The following PPFIA4 variants were observed in gnomAD, a reference collection of about 807,000 sequenced individuals.
The protein encoded by PPFIA4 is liprin-alpha-4.
PPFIA4 carries 98 observed loss-of-function variants against 145.7 expected under a neutral mutation model. The observed-to-expected ratio is 0.67, with a 90% CI of 0.57 to 0.80. The LOEUF is 0.80. Among genes scored for constraint, PPFIA4 ranks in the 30% least tolerant of loss-of-function variants. PPFIA4 has a pLI of 0.00. For missense variants in PPFIA4, 1,457 were observed against 1,632.7 expected (o/e 0.89, Z 1.85); for synonymous variants, 628 against 649.6 (o/e 0.97, Z 0.51).
intron 1 of PPFIA4, among the ~76,000 whole-genome samples, chr1:203,029,832 T>C (rs1468531383): frequency 2.0e-5 from 3 of 152,222 alleles, no homozygotes; most frequent in Admixed American, 6.5e-5. Flanking sequence ...AATATGAATG[T>C]ATAGATATGG....
intron 27 of PPFIA4, among the ~76,000 whole-genome samples, chr1:203,071,175 T>TC (rs1307291854): frequency 1.3e-5 from 2 of 149,416 alleles, no homozygotes; most frequent in East Asian, 3.9e-4. Context: ...CTGCTATTTT[T>TC]TTTTTTTTTT....
chr1:203,067,952 A>T (rs1661849677), intron 26 of PPFIA4, among the ~76,000 whole-genome samples, 160 bp downstream of exon 26: 1 of 152,090 alleles, frequency 6.6e-6, no homozygotes, highest in South Asian at 2.1e-4. Context: ...GATGGAGGAG[A>T]CATAGTCCAT....
At position 203,075,572 on chromosome 1, in the gene PPFIA4, T is replaced by G; in HGVS notation, c.3394-5T>G. ...CTCGGGCCTCTGGTGTCCCCCATGG[T>G]GCAGGGGGATGACAAGGTGTTTCGC... On this transcript the variant is annotated splice_polypyrimidine_tract_variant and splice_region_variant and intron_variant, in intron 28 of 29. Transcript: ENST00000295706. The surrounding 1 kb of genome is among the most constrained non-coding windows in gnomAD (Gnocchi z 4.1). 1 of 1,447,154 alleles carries G rather than the reference T, an allele frequency of 6.9e-7. No individual in the cohort carries two copies. Among genetic ancestry groups the G allele is most frequent in the South Asian group, 1.5e-5 (1 of 68,200 alleles). The allele number at this position is 1,447,154 out of a possible 1,614,324, so 89.6% of individuals were successfully genotyped here.
Position 203,067,711 on chromosome 1 carries a change from G to A in PPFIA4, c.3067G>A (p.Gly1023Ser), listed in dbSNP as rs752685022. 13 of 1,613,740 alleles carry A rather than the reference G, an allele frequency of 8.1e-6. No homozygotes were observed. Among genetic ancestry groups the A allele is most frequent in the Non-Finnish European group, 1.1e-5 (13 of 1,179,848 alleles). Residue 1023 changes from glycine (G) to serine (S), a missense_variant, in exon 26 of 30, where the codon GGC becomes AGC. Gly to Ser is a moderately conservative substitution (Grantham distance 56, BLOSUM62 0). Transcript: ENST00000295706. ...TGCCTGCAGAACCAGTCTTCAGTATGGCATCATGTGTCTGAAGAGGCTGAA... is the reference window on the plus strand; with the variant it reads ...TGCCTGCAGAACCAGTCTTCAGTATAGCATCATGTGTCTGAAGAGGCTGAA... ...DSFHRTSLQY[G>S]IMCLKRLNYD... is the part of the protein sequence containing the mutation.
At chr1:203,063,800 A>C (rs912912224) in intron 24 of PPFIA4, 28 bp from the exon 25 acceptor site, 1 of 1,613,068 alleles carries the variant, frequency 6.2e-7, no homozygotes, top group African/African-American at 1.3e-5. Context: ...CCTCCCCCAT[A>C]ATAGCCTCCT....
intron 13 of PPFIA4, among the ~76,000 whole-genome samples, chr1:203,050,229 G>A (rs967192396): frequency 1.3e-5 from 2 of 152,200 alleles, no homozygotes; most frequent in African/African-American, 4.8e-5. Flanking sequence ...CTTCCTTACT[G>A]GAAGTTGAGA....
chr1:203,054,115 A>C (rs1660744852), intron 15 of PPFIA4, 154 bp downstream of exon 15: 2 of 830,266 alleles, frequency 2.4e-6, no homozygotes, highest in Admixed American at 2.0e-5. Context: ...GCCCGCTGCC[A>C]GTGCCGGAGT....
intron 14 of PPFIA4, among the ~76,000 whole-genome samples, chr1:203,053,046 A>C (rs1353634925): frequency 6.6e-6 from 1 of 152,228 alleles, no homozygotes; most frequent in South Asian, 2.1e-4. Flanking sequence ...CCTCACAGCT[A>C]TCTATGAGGT....
intron 1 of PPFIA4, among the ~76,000 whole-genome samples, chr1:203,030,014 C>T (rs573754645): frequency 6.6e-6 from 1 of 152,258 alleles, no homozygotes; most frequent in African/African-American, 2.4e-5. Flanking sequence ...GAGTTGAATT[C>T]TCATAAGTTA....
At chr1:203,054,525 A>C (rs1177039699) in intron 15 of PPFIA4, among the ~76,000 whole-genome samples, 1 of 152,184 alleles carries the variant, frequency 6.6e-6, no homozygotes, top group Non-Finnish European at 1.5e-5. Context: ...GAAAACCTTC[A>C]CTTTGTCCTG....
At chr1:203,047,558 C>G (rs1379876359) in intron 9 of PPFIA4, among the ~76,000 whole-genome samples, 1 of 152,152 alleles carries the variant, frequency 6.6e-6, no homozygotes, top group Non-Finnish European at 1.5e-5. Flanking sequence ...CCAGCAGAGA[C>G]AGTAGGGTCT....
At chr1:203,040,188 G>T (rs1242111170) in intron 2 of PPFIA4, among the ~76,000 whole-genome samples, 2 of 152,224 alleles carry the variant, frequency 1.3e-5, no homozygotes, top group African/African-American at 2.4e-5. Context: ...TGGGGGTTGT[G>T]TGTCTGTGAG....
Position 203,056,840 on chromosome 1 carries a change from T to TGCACAAGGGCGCCAA in PPFIA4, c.2300_2314dup (p.His767_Lys771dup). On this transcript the variant is annotated inframe_insertion, in exon 19 of 30. Coordinates refer to ENST00000295706, the MANE Select transcript of PPFIA4 (RefSeq NM_001304331.2). ...AGCAGCAACAGCAGCCAGGACTCCC[T>TGCACAAGGGCGCCAA]GCACAAGGGCGCCAAGCGCAAGGGC... 6.2e-7 allele frequency: 1 copy of TGCACAAGGGCGCCAA among 1,614,058 alleles called. No homozygotes were observed. Among genetic ancestry groups the TGCACAAGGGCGCCAA allele is most frequent in the Non-Finnish European group, 8.5e-7 (1 of 1,179,894 alleles).
intron 6 of PPFIA4, among the ~76,000 whole-genome samples, chr1:203,045,144 T>C (rs920625864): frequency 8.5e-5 from 13 of 152,150 alleles, no homozygotes; most frequent in African/African-American, 3.1e-4. Flanking sequence ...AACTAGAAAC[T>C]TGTTTTCAAG....
At chr1:203,029,061 A>T (rs1228225298) in intron 1 of PPFIA4, among the ~76,000 whole-genome samples, 1 of 152,068 alleles carries the variant, frequency 6.6e-6, no homozygotes, top group Non-Finnish European at 1.5e-5. Flanking sequence ...TGTCACAGGG[A>T]CAGGGCTGGT....
chr1:203,066,598 G>C (rs1452045418), intron 25 of PPFIA4, among the ~76,000 whole-genome samples: 1 of 152,224 alleles, frequency 6.6e-6, no homozygotes, highest in Non-Finnish European at 1.5e-5. Context: ...CACAGGCTCA[G>C]TGACTACTCT....
In PPFIA4 at chr1:203,059,257, G is replaced by A; in HGVS notation, c.2487G>A (p.Arg829=). 6.5e-7 allele frequency: 1 copy of A among 1,534,398 alleles called. No homozygotes were observed. The part of the protein sequence containing the change: ...AKLGTQAEKD[R]RLKKKHQLLE... ...TGGGGACCCAGGCAGAGAAGGACCG[G>A]CGGCTAAAGAAGAAGTAAGAGCCAC... Residue 829 remains arginine (R), a synonymous_variant, in exon 20 of 30, where the codon CGG becomes CGA. Coordinates refer to ENST00000295706, the MANE Select transcript of PPFIA4 (RefSeq NM_001304331.2).
chr1:203,072,418 C>T (rs1662237522), intron 28 of PPFIA4, among the ~76,000 whole-genome samples: 1 of 152,216 alleles, frequency 6.6e-6, no homozygotes, highest in Non-Finnish European at 1.5e-5. Context: ...ATCAGGCATT[C>T]CCCTTGAGTT....
chr1:203,076,680 G>A lies in PPFIA4; in HGVS notation c.*290G>A. 2.0e-6 allele frequency: 1 copy of A among 494,380 alleles called. No homozygotes were observed. The highest frequency in any genetic ancestry group is 2.3e-5 in the South Asian group (1 of 44,390). The allele number at this position is 494,380 out of a possible 1,614,324, so 30.6% of individuals were successfully genotyped here. ...GGGAAGGAGAGAAGGGCAGCTCAGG[G>A]TGGATGTGAAGCCACCCTTCCTCTT... On this transcript the variant is annotated 3_prime_UTR_variant, in exon 30 of 30. Transcript: ENST00000295706.
Sources: gnomAD v4.1 joint callset for allele counts (sites outside exome capture counted in the v4.1 genomes callset) on GRCh38, gnomAD v4.1.1 for gene constraint, Gnocchi (gnomAD v3.1) non-coding constraint, MANE v1.5 for transcripts, NCBI Gene and HGNC (gene_info 2026-07-23, HGNC 2026-07-21) for gene names.